USP50: variants seen among roughly 807,000 people sequenced by gnomAD.
The protein encoded by USP50 is ubiquitin carboxyl-terminal hydrolase 50.
A neutral mutation model predicts 39.2 loss-of-function variants in USP50; 37 were observed. The observed-to-expected ratio is 0.94, with a 90% CI of 0.73 to 1.24. The LOEUF is 1.24. Ranked by LOEUF, USP50 falls within the 50% of genes most tolerant of loss-of-function variation. The probability of loss-of-function intolerance (pLI) is 0.00; values close to 1 mark genes in which losing one functional copy is unlikely to be tolerated. For missense variants in USP50, 374 were observed against 398.2 expected, an observed-to-expected ratio of 0.94 and a Z score of 0.52; for synonymous variants, 139 against 144.5, an observed-to-expected ratio of 0.96 and a Z score of 0.27.
intron 6 of USP50, chr15:50,510,252 T>G (rs2052719662): frequency 6.6e-6 from 1 of 152,142 alleles, no homozygotes; most frequent in Non-Finnish European, 1.5e-5. Flanking sequence ...TTGTCAGAAG[T>G]GCAAAACAAT....
intron 6 of USP50, among the ~76,000 whole-genome samples, chr15:50,519,991 C>T (rs1314167639): frequency 1.3e-5 from 2 of 152,042 alleles, no homozygotes; most frequent in African/African-American, 4.8e-5. Flanking sequence ...ATGTTTATTG[C>T]AGCACTATTC....
chr15:50,510,789 T>G (rs1241143817), intron 6 of USP50: 4 of 152,142 alleles, frequency 2.6e-5, no homozygotes, highest in Non-Finnish European at 5.9e-5. Flanking sequence ...TTTGGTTTTT[T>G]TTTTAGAGAT....
downstream of USP50, among the ~76,000 whole-genome samples, chr15:50,496,263 C>T (rs939291289): frequency 2.0e-5 from 3 of 152,010 alleles, no homozygotes; most frequent in African/African-American, 7.2e-5. Context: ...GGGCGGATCA[C>T]GAGGTCAGGA....
At chr15:50,541,530 T>C (rs1349035924) in intron 3 of USP50, among the ~76,000 whole-genome samples, 1 of 151,924 alleles carries the variant, frequency 6.6e-6, no homozygotes, top group Non-Finnish European at 1.5e-5. Flanking sequence ...AAAGGAAAAG[T>C]TTTCAATAAA....
intron 4 of USP50, among the ~76,000 whole-genome samples, chr15:50,539,500 T>A (rs1415358986): frequency 1.3e-5 from 2 of 150,572 alleles, no homozygotes; most frequent in South Asian, 2.1e-4. Flanking sequence ...CACTGCAACC[T>A]CCACCTCCTG....
At chr15:50,544,971 C>T (rs2141383112) in intron 1 of USP50, among the ~76,000 whole-genome samples, 190 bp from the exon 2 acceptor site, 1 of 152,270 alleles carries the variant, frequency 6.6e-6, no homozygotes, top group South Asian at 2.1e-4. Context: ...AGCATAGTGG[C>T]TCACACCTGT....
intron 5 of USP50, among the ~76,000 whole-genome samples, chr15:50,537,787 G>C (rs1403531843): frequency 2.0e-5 from 3 of 147,902 alleles, no homozygotes; most frequent in South Asian, 4.4e-4. Context: ...TTGAACTAGG[G>C]AAGTGGAGGC....
At chr15:50,526,673 G>A (rs1375941074) in intron 6 of USP50, among the ~76,000 whole-genome samples, 1 of 152,200 alleles carries the variant, frequency 6.6e-6, no homozygotes, top group African/African-American at 2.4e-5. Context: ...CTACAAGGAG[G>A]CAGGTAGATT....
intron 6 of USP50, among the ~76,000 whole-genome samples, chr15:50,514,767 A>T (rs2052786446): frequency 6.6e-6 from 1 of 151,676 alleles, no homozygotes; most frequent in Non-Finnish European, 1.5e-5. Context: ...TGACTTCGTG[A>T]TCTGCTTGCC....
chr15:50,530,741 G>C (rs866060095), intron 5 of USP50, among the ~76,000 whole-genome samples: 2 of 152,084 alleles, frequency 1.3e-5, no homozygotes, highest in African/African-American at 4.8e-5. Context: ...AAAGATTCAA[G>C]CTAAACTGAA....
At chr15:50,511,228 C>T (rs1334018305) in intron 6 of USP50, 1 of 152,182 alleles carries the variant, frequency 6.6e-6, no homozygotes, top group Non-Finnish European at 1.5e-5. Flanking sequence ...CATACCAGTT[C>T]ATACCTACTT....
At chr15:50,495,400 G>A (rs970691214) in intron 1 of USP50, among the ~76,000 whole-genome samples, 1 of 151,428 alleles carries the variant, frequency 6.6e-6, no homozygotes, top group Admixed American at 6.6e-5. Flanking sequence ...TATATGTCCA[G>A]TTGTAGCCCT....
rs7167032 is a variant in USP50, at chr15:50,541,416, G to A, written c.445-152C>T. On this transcript the variant is annotated intron_variant, in intron 3 of 6. Coordinates refer to ENST00000532404, the MANE Select transcript of USP50 (RefSeq NM_203494.5). ...TGGTGCCAGCTACTTGGGAGGTTGA[G>A]GTTGGAGGATCAGTTGAGCCTAGGA... is the stretch of plus-strand genomic sequence containing the variant. Among the ~76,000 whole-genome samples, 1,194 of 152,264 alleles carry A rather than the reference G, an allele frequency of 7.8e-3. 13 individuals are homozygous for A. Among genetic ancestry groups the A allele is most frequent in the African/African-American group, 0.028 (1,148 of 41,538 alleles).
At chr15:50,540,771 C>T (rs1291886413) in intron 4 of USP50, among the ~76,000 whole-genome samples, 3 of 152,160 alleles carry the variant, frequency 2.0e-5, no homozygotes, top group African/African-American at 4.8e-5. Context: ...TTACAGGTGC[C>T]CGCCACCATG....
intron 6 of USP50, among the ~76,000 whole-genome samples, chr15:50,520,365 G>A (rs1369933027): frequency 6.6e-6 from 1 of 150,972 alleles, no homozygotes; most frequent in Non-Finnish European, 1.5e-5. Context: ...CAGTGGCATG[G>A]TCTCGGCTCA....
intron 3 of USP50, among the ~76,000 whole-genome samples, chr15:50,542,678 G>A (rs773112271): frequency 4.0e-5 from 6 of 151,550 alleles, no homozygotes; most frequent in Non-Finnish European, 8.8e-5. Flanking sequence ...TAGTAGAGAC[G>A]GGGTTTCACC....
At position 50,515,280 on chromosome 15, in the gene USP50, C is replaced by T. The variant is rs890255424; in HGVS notation, c.937-14443G>A. Among the ~76,000 whole-genome samples, 5 of 151,996 alleles carry T rather than the reference C, an allele frequency of 3.3e-5. No homozygotes were observed. In the East Asian group the frequency reaches 9.6e-4, roughly 29 times the overall value. ...TTTTTGAGACGGAGTCTTGCTCTGT[C>T]GCCCAGGCTGGAGTGCAGTGGCGCG... On this transcript the variant is annotated intron_variant, in intron 6 of 6. Transcript: ENST00000532404.
chr15:50,518,207 T>C lies in USP50; in HGVS notation c.936+11590A>G, dbSNP rs543645545. 6.9e-5 allele frequency among the ~76,000 whole-genome samples: 10 copies of C among 145,182 alleles called. No individual in the cohort carries two copies. In the East Asian group the frequency reaches 2.1e-3, roughly 30 times the overall value. The stretch of plus-strand genomic sequence containing the variant: ...ACATGTATTTACAGCCAACTGATTT[T>C]TCTTTCTTTTTCTTTTTTTGTTTTT... On this transcript the variant is annotated intron_variant, in intron 6 of 6. Coordinates refer to ENST00000532404, the MANE Select transcript of USP50 (RefSeq NM_203494.5).
intron 2 of USP50, chr15:50,544,063 C>T (rs2053051524): frequency 2.3e-6 from 1 of 432,724 alleles, no homozygotes; most frequent in Admixed American, 3.5e-5. Flanking sequence ...CTCAGTGGCT[C>T]ACACCTGTAA....
Sources: allele counts gnomAD v4.1 joint callset (sites outside exome capture counted in the v4.1 genomes callset), GRCh38; gene constraint gnomAD v4.1.1; transcripts MANE v1.5; gene names NCBI Gene and HGNC (gene_info 2026-07-23, HGNC 2026-07-21).